Variants in RASA1 observed in about 807,000 individuals in gnomAD.
The protein encoded by RASA1 is RAS p21 protein activator 1, also known as ras GTPase-activating protein 1.
In RASA1, 25 loss-of-function variants were observed where a neutral mutation model predicts 132.2. That is an observed-to-expected ratio of 0.19 (90% CI 0.14 to 0.26). The LOEUF is 0.26. Among genes scored for constraint, RASA1 ranks in the 10% least tolerant of loss-of-function variants. RASA1 has a pLI of 1.00. For missense variants in RASA1, 964 were observed against 1,299.2 expected (o/e 0.74, Z 3.97); for synonymous variants, 477 against 449.9 (o/e 1.06, Z -0.76).
At chr5:87,344,450 C>A (rs1227943244) in intron 6 of RASA1, among the ~76,000 whole-genome samples, 1 of 152,108 alleles carries the variant, frequency 6.6e-6, no homozygotes, top group Non-Finnish European at 1.5e-5. Flanking sequence ...TTTACTACTC[C>A]TAGCACTTAT....
intron 8 of RASA1, among the ~76,000 whole-genome samples, chr5:87,351,163 TC>T (rs1759239443): frequency 6.6e-6 from 1 of 151,518 alleles, no homozygotes; most frequent in Admixed American, 6.6e-5. Flanking sequence ...ACTTTAATGT[TC>T]CTATATTCAG....
chr5:87,321,681 G>A (rs545595150), intron 1 of RASA1, among the ~76,000 whole-genome samples: 184 of 152,354 alleles, frequency 1.2e-3, no homozygotes, highest in Non-Finnish European at 1.9e-3. Context: ...CTCTGTTTCC[G>A]TGGAGTTAGG....
chr5:87,274,674 G>T (rs1391831826), intron 1 of RASA1, among the ~76,000 whole-genome samples: 1 of 152,096 alleles, frequency 6.6e-6, no homozygotes, highest in Non-Finnish European at 1.5e-5. Flanking sequence ...TAAATATCAC[G>T]AGTGAAGTAT....
At chr5:87,357,511 C>G (rs1759740566) in intron 9 of RASA1, among the ~76,000 whole-genome samples, 1 of 152,050 alleles carries the variant, frequency 6.6e-6, no homozygotes, top group African/African-American at 2.4e-5. Context: ...CAAGACCATC[C>G]TGGCTAACAC....
intron 7 of RASA1, among the ~76,000 whole-genome samples, chr5:87,348,141 A>C (rs1758994610): frequency 6.6e-6 from 1 of 152,034 alleles, no homozygotes; most frequent in Non-Finnish European, 1.5e-5. Flanking sequence ...CTTTCATTTT[A>C]GCCCATATTA....
chr5:87,370,019 A>T lies in RASA1; in HGVS notation c.1698+119A>T, dbSNP rs550416537. The stretch of plus-strand genomic sequence containing the variant: ...GTGACAGAACGCCTGAAATCTAATC[A>T]TCTCTTATTTTAAGGAATGAGATTT... On this transcript the variant is annotated intron_variant, in intron 12 of 24. Transcript: ENST00000274376. 70 of 868,536 alleles carry T rather than the reference A, an allele frequency of 8.1e-5. 1 individual carries two copies. The African/African-American group carries it at 1.1e-3, about 13-fold the overall frequency. The allele number at this position is 868,536 out of a possible 1,614,324, so 53.8% of individuals were successfully genotyped here. A position where few individuals can be genotyped will look rare whatever the true frequency, so the allele number is the denominator to read the frequency against.
In RASA1 at chr5:87,386,878, T is replaced by A; in HGVS notation, c.2900T>A (p.Met967Lys). ...TTCATCAAAAGCAACAAACATCGTA[T>A]GATCATGTTTTTAGATGAACTTGGG... The part of the protein sequence containing the change: ...NPFIKSNKHR[M>K]IMFLDELGNV... The change falls in exon 23 of 25, where the codon ATG (methionine) becomes AAG (lysine). Residue 967 changes from methionine (M) to lysine (K), a missense_variant. Coordinates refer to ENST00000274376, the MANE Select transcript of RASA1 (RefSeq NM_002890.3). 1 of 1,612,538 alleles carries A rather than the reference T, an allele frequency of 6.2e-7. No homozygotes were observed. The highest frequency in any genetic ancestry group is 8.5e-7 in the Non-Finnish European group (1 of 1,179,162).
chr5:87,268,453 T>TGATGGCGGCCGAGGCCGGCAGTGAG lies in RASA1; in HGVS notation c.5_29dup (p.Glu10?). 6.5e-7 allele frequency: 1 copy of TGATGGCGGCCGAGGCCGGCAGTGAG among 1,546,506 alleles called. No individual in the cohort carries two copies. Among genetic ancestry groups the TGATGGCGGCCGAGGCCGGCAGTGAG allele is most frequent in the Non-Finnish European group, 8.7e-7 (1 of 1,145,236 alleles). ...GGGCAGAGTAGAGCGGGCTTCAACATGATGGCGGCCGAGGCCGGCAGTGAG... is the reference window on the plus strand; with the variant it reads ...GGGCAGAGTAGAGCGGGCTTCAACATGATGGCGGCCGAGGCCGGCAGTGAGGATGGCGGCCGAGGCCGGCAGTGAG... On this transcript the variant is annotated frameshift_variant and start_lost, in exon 1 of 25. Transcript: ENST00000274376. LOFTEE classifies it high-confidence loss of function.
chr5:87,290,221 A>G (rs1754855726), intron 1 of RASA1, among the ~76,000 whole-genome samples: 1 of 152,242 alleles, frequency 6.6e-6, no homozygotes, highest in South Asian at 2.1e-4. Context: ...AAATCAAAAA[A>G]GGCATTGGAT....
intron 8 of RASA1, among the ~76,000 whole-genome samples, chr5:87,349,848 T>C (rs928685408): frequency 6.6e-6 from 1 of 151,920 alleles, no homozygotes; most frequent in Non-Finnish European, 1.5e-5. Context: ...AGTAAACTCA[T>C]TGTTTGTCCC....
chr5:87,368,285 T>G (rs1250559932), intron 11 of RASA1, among the ~76,000 whole-genome samples: 1 of 152,180 alleles, frequency 6.6e-6, no homozygotes, highest in Non-Finnish European at 1.5e-5. Flanking sequence ...TTATTACATT[T>G]TTTTCAATTT....
At chr5:87,303,897 G>C (rs1755492179) in intron 1 of RASA1, among the ~76,000 whole-genome samples, 2 of 147,286 alleles carry the variant, frequency 1.4e-5, no homozygotes, top group African/African-American at 2.5e-5. Flanking sequence ...CTGGAGGCGC[G>C]ATCTCGGCTC....
intron 11 of RASA1, among the ~76,000 whole-genome samples, chr5:87,368,178 T>G (rs1760663671): frequency 6.6e-6 from 1 of 152,170 alleles, no homozygotes; most frequent in Non-Finnish European, 1.5e-5. Context: ...CTGTTTTTCA[T>G]CCTTTTTCCT....
rs1002148193 is a variant in RASA1 at position 87,268,849 on chromosome 5, G to A, written c.398G>A (p.Gly133Asp). The A allele has an allele frequency of 4.3e-6, 7 of 1,613,986 alleles. No homozygotes were observed. The highest frequency in any genetic ancestry group is 5.9e-6 in the Non-Finnish European group (7 of 1,180,028). The change falls in exon 1 of 25, where the codon GGT (glycine) becomes GAT (aspartate). Residue 133 changes from glycine to aspartate, a missense_variant. This residue lies in a region of RASA1 where 326 missense variants were observed against 275.8 expected (regional missense o/e 1.18). Transcript: ENST00000274376. ...LLAETLGPGG[G>D]FPPLPPPPYL... ...GCTGAGACTCTCGGGCCAGGCGGCGGTTTTCCCCCTCTGCCCCCTCCCCCT... is the reference window on the plus strand; with the variant it reads ...GCTGAGACTCTCGGGCCAGGCGGCGATTTTCCCCCTCTGCCCCCTCCCCCT...
In RASA1 at chr5:87,389,501, C is replaced by T. The variant is rs1435689056; in HGVS notation, c.3034C>T (p.Leu1012Phe). ...GGCTCATTCAGATGAACTTCGAACG[C>T]TCAGTAATGAGCGTGGTGCACAGCA... ...CVAHSDELRT[L>F]SNERGAQQHV... is the part of the protein sequence containing the mutation. The change falls in exon 24 of 25, where the codon CTC (leucine) becomes TTC (phenylalanine). Residue 1012 changes from leucine to phenylalanine, a missense_variant. By Grantham distance (22) the Leu-to-Phe change is conservative. This residue lies in a region of RASA1 where 107 missense variants were observed against 163.8 expected (regional missense o/e 0.65). Transcript: ENST00000274376. The T allele has an allele frequency of 6.2e-7, 1 of 1,613,990 alleles. No individual in the cohort carries two copies. Among genetic ancestry groups the T allele is most frequent in the Non-Finnish European group, 8.5e-7 (1 of 1,179,986 alleles).
At chr5:87,364,491 C>G (rs1211536482) in intron 11 of RASA1, among the ~76,000 whole-genome samples, 1 of 152,060 alleles carries the variant, frequency 6.6e-6, no homozygotes, top group Non-Finnish European at 1.5e-5. Flanking sequence ...TTCATAAATT[C>G]ATTTTACGAA....
chr5:87,372,405 T>C (rs1326246185), intron 13 of RASA1, among the ~76,000 whole-genome samples: 2 of 152,188 alleles, frequency 1.3e-5, no homozygotes, highest in African/African-American at 4.8e-5. Flanking sequence ...AGAAAGATTA[T>C]TCTTCCACTT....
intron 1 of RASA1, among the ~76,000 whole-genome samples, chr5:87,287,354 T>TACAC (rs1447921788): frequency 6.9e-6 from 1 of 144,962 alleles, no homozygotes; most frequent in East Asian, 2.0e-4. Flanking sequence ...ATACCATATA[T>TACAC]ACACCATATA....
At chr5:87,306,319 G>T (rs912504641) in intron 1 of RASA1, among the ~76,000 whole-genome samples, 4 of 152,166 alleles carry the variant, frequency 2.6e-5, no homozygotes, top group Non-Finnish European at 5.9e-5. Context: ...CCTTTGCGGG[G>T]ACATGGATGA....
Sources: allele counts gnomAD v4.1 joint callset (sites outside exome capture counted in the v4.1 genomes callset), GRCh38; gene constraint gnomAD v4.1.1; regional missense constraint gnomAD v4.1.1; transcripts MANE v1.5; gene names NCBI Gene and HGNC (gene_info 2026-07-23, HGNC 2026-07-21).